UGT1A6: variants seen among roughly 807,000 people sequenced by gnomAD.
The protein encoded by UGT1A6 is UDP-glucuronosyltransferase 1A6.
UGT1A6 carries 32 observed loss-of-function variants against 44.4 expected under a neutral mutation model. The observed-to-expected ratio is 0.72, with a 90% CI of 0.54 to 0.97. The LOEUF (loss-of-function observed/expected upper bound fraction) is 0.97. Among genes scored for constraint, UGT1A6 ranks in the 50% least tolerant of loss-of-function variants. The probability of loss-of-function intolerance (pLI) is 0.00; values close to 1 mark genes in which losing one functional copy is unlikely to be tolerated. For synonymous variants in UGT1A6, 238 were observed against 248.5 expected (o/e 0.96, Z 0.40); for missense variants, 685 against 661.9 (o/e 1.03, Z -0.38).
chr2:233,713,916 G>A, intron 1 of UGT1A6: 2 of 1,612,412 alleles, frequency 1.2e-6, no homozygotes, highest in Non-Finnish European at 1.7e-6. Flanking sequence ...TTTAAAAAAT[G>A]TATTTACTTA....
At position 233,761,942 on chromosome 2, in the gene UGT1A6, C is replaced by T. The variant is rs912615378; in HGVS notation, c.862-5092C>T. ...CAGCCCAGGCACTTCCCAGGTGCTG[C>T]GTCTGGCTCCCATTAAGGGGACTGA... On this transcript the variant is annotated intron_variant, in intron 1 of 4. Coordinates refer to ENST00000305139, the MANE Select transcript of UGT1A6 (RefSeq NM_001072.4). Among the ~76,000 whole-genome samples the T allele has an allele frequency of 2.6e-5, 4 of 152,302 alleles. No homozygotes were observed. The South Asian group carries it at 8.3e-4, about 32-fold the overall frequency.
intron 1 of UGT1A6, chr2:233,713,248 A>T (rs1380028747): frequency 1.2e-6 from 2 of 1,614,260 alleles, no homozygotes; most frequent in Non-Finnish European, 1.7e-6. Context: ...TCATGGACCC[A>T]GGACGAATTT....
chr2:233,731,467 G>C (rs1024241459), intron 1 of UGT1A6, among the ~76,000 whole-genome samples: 1 of 152,074 alleles, frequency 6.6e-6, no homozygotes, highest in Admixed American at 6.5e-5. Context: ...CCTGGCGTGT[G>C]ATGTTCCCTG....
rs569277751 is a variant in UGT1A6 at position 233,714,539 on chromosome 2, G to A, written c.861+20674G>A. ...TAGGTTAACTTCATGGTCTAATACC[G>A]AAGTGTCCAATAGAAATATCATGTA... On this transcript the variant is annotated intron_variant, in intron 1 of 4. Transcript: ENST00000305139. Among the ~76,000 whole-genome samples the A allele has an allele frequency of 4.3e-4, 65 of 152,304 alleles. 2 individuals are homozygous for A. The South Asian group carries it at 7.5e-3, about 18-fold the overall frequency.
rs753289474 is a variant in UGT1A6 at position 233,769,632 on chromosome 2, G to C, written c.1301+1193G>C. ...CACCAGCTTGAGCAAGGGACAACAG[G>C]GGAGGACTGATGACTGACTTCCCAC... On this transcript the variant is annotated intron_variant, in intron 4 of 4. Transcript: ENST00000305139. This position sits in a 1 kb window ranked among gnomAD's most constrained non-coding sequence, Gnocchi z 4.4. The C allele has an allele frequency of 1.7e-5, 27 of 1,611,424 alleles. No individual in the cohort carries two copies. Among genetic ancestry groups the C allele is most frequent in the Non-Finnish European group, 1.8e-5 (21 of 1,179,338 alleles).
Position 233,769,857 on chromosome 2 carries a change from CAAAAAA to C in UGT1A6, c.1301+1430_1301+1435del. 2.7e-5 allele frequency: 6 copies of C among 223,658 alleles called. No homozygotes were observed. Among genetic ancestry groups the C allele is most frequent in the Non-Finnish European group, 3.2e-5 (4 of 125,112 alleles). The allele number at this position is 223,658 out of a possible 1,614,324, so 13.9% of individuals were successfully genotyped here. On this transcript the variant is annotated intron_variant, in intron 4 of 4. Transcript: ENST00000305139. This position sits in a 1 kb window ranked among gnomAD's most constrained non-coding sequence, Gnocchi z 4.4. ...TGGGCAACAGAGTGAGACCCTGTCT[CAAAAAA>C]AAAAAAAAAAATGAAAAGTCCACAT...
At chr2:233,761,212 G>T in intron 1 of UGT1A6, 1 of 1,613,674 alleles carries the variant, frequency 6.2e-7, no homozygotes, top group Non-Finnish European at 8.5e-7. Flanking sequence ...ACTTTGGATC[G>T]ATTAACTAGC....
chr2:233,730,164 C>T (rs556230722), intron 1 of UGT1A6, among the ~76,000 whole-genome samples: 9 of 152,110 alleles, frequency 5.9e-5, no homozygotes, highest in Admixed American at 1.3e-4. Context: ...TCTCTAGTAG[C>T]GTATTTCAGG....
At chr2:233,743,501 G>T (rs1559387094) in intron 1 of UGT1A6, 1 of 1,367,188 alleles carries the variant, frequency 7.3e-7, no homozygotes, top group Non-Finnish European at 9.8e-7. Flanking sequence ...GAGAAAAGGG[G>T]TGCAGACGCT....
At chr2:233,696,110 A>C (rs2075324889) in intron 1 of UGT1A6, among the ~76,000 whole-genome samples, 1 of 152,238 alleles carries the variant, frequency 6.6e-6, no homozygotes, top group Admixed American at 6.5e-5. Flanking sequence ...AACAAAACAA[A>C]AAGAACTAGA....
chr2:233,754,919 G>C, intron 1 of UGT1A6: 9 of 1,353,338 alleles, frequency 6.7e-6, no homozygotes, highest in Non-Finnish European at 8.9e-6. Context: ...TCTCCAGCGG[G>C]TTTCCCAAGA....
intron 1 of UGT1A6, among the ~76,000 whole-genome samples, chr2:233,757,801 A>G (rs2125960079): frequency 6.6e-6 from 1 of 151,714 alleles, no homozygotes; most frequent in Non-Finnish European, 1.5e-5. Flanking sequence ...ATGAAAGGAG[A>G]TGAAAGGAGC....
intron 1 of UGT1A6, among the ~76,000 whole-genome samples, chr2:233,694,916 G>A (rs1410139642): frequency 2.0e-5 from 3 of 152,208 alleles, no homozygotes; most frequent in African/African-American, 4.8e-5. Context: ...CGTATACAAT[G>A]TGCGATGATC....
rs1433762628 is a variant in UGT1A6, at chr2:233,693,105, A to G, written c.101A>G (p.Gln34Arg). Reference sequence around the variant, plus strand: ...GGTGACAAGCTGCTGGTGGTCCCTCAGGACGGAAGCCACTGGCTTAGTATG... The same window carrying G: ...GGTGACAAGCTGCTGGTGGTCCCTCGGGACGGAAGCCACTGGCTTAGTATG... ...VVGDKLLVVP[Q>R]DGSHWLSMKD... is the part of the protein sequence containing the mutation. Residue 34 changes from glutamine (Q) to arginine (R), a missense_variant, in exon 1 of 5, where the codon CAG becomes CGG. By Grantham distance (43) the Gln-to-Arg change is conservative. Coordinates refer to ENST00000305139, the MANE Select transcript of UGT1A6 (RefSeq NM_001072.4). The G allele has an allele frequency of 3.7e-6, 6 of 1,614,188 alleles. No individual in the cohort carries two copies. The highest frequency in any genetic ancestry group is 4.2e-6 in the Non-Finnish European group (5 of 1,180,036).
intron 1 of UGT1A6, among the ~76,000 whole-genome samples, chr2:233,702,352 T>C (rs891619991): frequency 3.9e-5 from 6 of 152,206 alleles, no homozygotes; most frequent in African/African-American, 1.2e-4. Flanking sequence ...TCTAATAGTT[T>C]TTTTTTAGTG....
At chr2:233,714,144 C>G (rs1160387494) in intron 1 of UGT1A6, among the ~76,000 whole-genome samples, 1 of 152,184 alleles carries the variant, frequency 6.6e-6, no homozygotes, top group Admixed American at 6.5e-5. Flanking sequence ...AAAGCACCAT[C>G]TTCATGGCTG....
chr2:233,708,329 G>A (rs537041320), intron 1 of UGT1A6: 6 of 152,052 alleles, frequency 3.9e-5, no homozygotes, highest in African/African-American at 1.4e-4. Context: ...AATATCTCAA[G>A]GTTATTTGAA....
chr2:233,725,800 A>G (rs1559371046), intron 1 of UGT1A6, among the ~76,000 whole-genome samples: 1 of 152,288 alleles, frequency 6.6e-6, no homozygotes, highest in East Asian at 1.9e-4. Flanking sequence ...AATAATCCTT[A>G]AAATCCATTT....
chr2:233,762,045 A>G (rs187851388), intron 1 of UGT1A6, among the ~76,000 whole-genome samples: 1 of 151,958 alleles, frequency 6.6e-6, no homozygotes, highest in African/African-American at 2.4e-5. Flanking sequence ...TTTTCTGTGC[A>G]TTTTCCTTCA....
Sources: gnomAD v4.1 joint callset for allele counts (sites outside exome capture counted in the v4.1 genomes callset) on GRCh38, gnomAD v4.1.1 for gene constraint, Gnocchi (gnomAD v3.1) non-coding constraint, MANE v1.5 for transcripts, NCBI Gene and HGNC (gene_info 2026-07-23, HGNC 2026-07-21) for gene names.